Variants in LAMA1 observed in about 807,000 individuals in gnomAD.
LAMA1 encodes laminin subunit alpha-1.
LAMA1 carries 219 observed loss-of-function variants against 348.7 expected under a neutral mutation model. The ratio of observed to expected loss-of-function variants is 0.63; its 90% CI spans 0.56 to 0.70. The LOEUF is 0.70. LAMA1 is among the 30% of genes least tolerant of loss of function. LAMA1 has a pLI of 0.00. For synonymous variants in LAMA1, 1,487 were observed against 1,491.0 expected, an observed-to-expected ratio of 1.00 and a Z score of 0.06; for missense variants, 3,744 against 3,888.0, an observed-to-expected ratio of 0.96 and a Z score of 0.99.
At chr18:7,014,875 C>A (rs528604860) in intron 22 of LAMA1, among the ~76,000 whole-genome samples, 1 of 152,046 alleles carries the variant, frequency 6.6e-6, no homozygotes, top group African/African-American at 2.4e-5. Flanking sequence ...GAGACAGAGT[C>A]TTGCTCTGTT....
At chr18:7,035,093 G>C (rs1037973799) in intron 13 of LAMA1, among the ~76,000 whole-genome samples, 1 of 152,218 alleles carries the variant, frequency 6.6e-6, no homozygotes, top group African/African-American at 2.4e-5. Flanking sequence ...TGTGCGGTCT[G>C]CAATTGGTCA....
At chr18:6,994,058 C>T (rs773564772) in intron 34 of LAMA1, among the ~76,000 whole-genome samples, 8 of 152,226 alleles carry the variant, frequency 5.3e-5, no homozygotes, top group East Asian at 3.9e-4. Flanking sequence ...TGAGGGCCCT[C>T]GATTCACTTT....
At chr18:7,097,217 C>T (rs1405473419) in intron 1 of LAMA1, among the ~76,000 whole-genome samples, 1 of 151,296 alleles carries the variant, frequency 6.6e-6, no homozygotes, top group Non-Finnish European at 1.5e-5. Flanking sequence ...AGGGCTGGAT[C>T]AGCTCTCCAT....
intron 3 of LAMA1, chr18:7,079,244 GACA>G (rs1390520981): frequency 1.3e-5 from 2 of 152,468 alleles, no homozygotes; most frequent in African/African-American, 2.4e-5. Flanking sequence ...ACAGAACCAG[GACA>G]ACAGCTCCAA....
chr18:7,038,650 G>A, intron 11 of LAMA1, 160 bp downstream of exon 11: 1 of 918,252 alleles, frequency 1.1e-6, no homozygotes, highest in Non-Finnish European at 1.8e-6. Context: ...AAAGAATCTT[G>A]AGAGGCAGAC....
rs10625290 is a variant in LAMA1 at position 6,994,716 on chromosome 18, G to GAAA, written c.4896+638_4896+640dup. 2.3e-3 allele frequency among the ~76,000 whole-genome samples: 354 copies of GAAA among 150,762 alleles called. 1 individual carries two copies. The highest frequency in any genetic ancestry group is 7.0e-3 in the African/African-American group (287 of 41,060). ...ACACACACATACAAAATTCATAAAT[G>GAAA]AAAAAACAGTAAATTTGACAATAAT... On this transcript the variant is annotated intron_variant, in intron 34 of 62. Transcript: ENST00000389658.
intron 19 of LAMA1, 48 bp downstream of exon 19, chr18:7,023,116 T>C (rs1313307681): frequency 1.1e-5 from 18 of 1,576,172 alleles, no homozygotes; most frequent in Admixed American, 1.8e-5. Context: ...GGTTGAAGAC[T>C]TCCTATGGCA....
chr18:7,011,101 T>C (rs905920152), intron 25 of LAMA1, among the ~76,000 whole-genome samples, 199 bp downstream of exon 25: 5 of 152,234 alleles, frequency 3.3e-5, no homozygotes, highest in African/African-American at 1.2e-4. Flanking sequence ...TAAAAAACTT[T>C]TAAAATTAAT....
chr18:6,990,605 C>T (rs949828590), intron 36 of LAMA1, among the ~76,000 whole-genome samples: 3 of 152,290 alleles, frequency 2.0e-5, no homozygotes, highest in Non-Finnish European at 2.9e-5. Context: ...TGGCTTCTGT[C>T]ACCACTACCC....
chr18:7,098,663 G>A (rs1598318975), intron 1 of LAMA1, among the ~76,000 whole-genome samples: 2 of 149,956 alleles, frequency 1.3e-5, no homozygotes, highest in Non-Finnish European at 3.0e-5. Flanking sequence ...CAGCCACCCA[G>A]TCTGGGAAGT....
intron 14 of LAMA1, among the ~76,000 whole-genome samples, chr18:7,033,371 G>A (rs568191441): frequency 6.0e-5 from 9 of 150,714 alleles, no homozygotes; most frequent in Admixed American, 2.6e-4. Context: ...CAGGAGAATC[G>A]CTTGATCCTG....
chr18:7,028,579 A>G (rs966628662), intron 16 of LAMA1, among the ~76,000 whole-genome samples: 4 of 152,260 alleles, frequency 2.6e-5, no homozygotes, highest in Admixed American at 2.6e-4. Flanking sequence ...TCTGTCAACC[A>G]GCAGATCTGC....
Position 7,109,260 on chromosome 18 carries a change from G to A in LAMA1, c.61+8400C>T, listed in dbSNP as rs1018546047. ...CCTGACTACCTGTGGGGAGTTCCTC[G>A]GTGTTACTGCCCTCCGGCTACTAAT... On this transcript the variant is annotated intron_variant, in intron 1 of 62. Transcript: ENST00000389658. Among the ~76,000 whole-genome samples, 3 of 152,166 alleles carry A rather than the reference G, an allele frequency of 2.0e-5. No individual in the cohort carries two copies. The South Asian group carries it at 6.2e-4, about 31-fold the overall frequency.
rs1368843687 is a variant in LAMA1 at position 7,042,659 on chromosome 18, C to T, written c.1156-409G>A. ...CAGCACTCTGGGAGGCCAAGGCAGG[C>T]GGACCACAAGGTCAAGGGATTGAGA... is the stretch of plus-strand genomic sequence containing the variant. On this transcript the variant is annotated intron_variant, in intron 8 of 62. Transcript: ENST00000389658. 2.9e-5 allele frequency: 7 copies of T among 243,048 alleles called. No homozygotes were observed. In the South Asian group the frequency reaches 4.0e-4, roughly 14 times the overall value. 15.1% of individuals were successfully genotyped at this position (243,048 alleles called of 1,614,324 possible).
intron 11 of LAMA1, among the ~76,000 whole-genome samples, chr18:7,038,140 A>T (rs10502349): frequency 0.09 from 13,751 of 152,220 alleles, 826 homozygotes; most frequent in African/African-American, 0.15. Context: ...TGAAAAATGT[A>T]CAAAGATAAC....
At position 7,029,061 on chromosome 18, in the gene LAMA1, A is replaced by G. The variant is rs556009127; in HGVS notation, c.2275-2955T>C. 3.3e-5 allele frequency among the ~76,000 whole-genome samples: 5 copies of G among 152,298 alleles called. No individual in the cohort carries two copies. In the East Asian group the frequency reaches 9.6e-4, roughly 29 times the overall value. ...TGATGAAAGTTTTCCCATATACCAC[A>G]TTTAATTTGGAATTGTAAGCATTTG... is the stretch of plus-strand genomic sequence containing the variant. On this transcript the variant is annotated intron_variant, in intron 16 of 62. Transcript: ENST00000389658.
intron 1 of LAMA1, among the ~76,000 whole-genome samples, chr18:7,115,814 C>CAAAACAAAAAAAAAAAAAAAAAAAA (rs58813825): frequency 6.3e-5 from 6 of 94,790 alleles, no homozygotes; most frequent in Admixed American, 2.6e-4. Context: ...ACTAAAAATA[C>CAAAACAAAAAAAAAAAAAAAAAAAA]AAAAAAAAAA....
At position 6,956,655 on chromosome 18, in the gene LAMA1, G is replaced by C; in HGVS notation, c.8075C>G (p.Pro2692Arg). Residue 2692 changes from proline to arginine, a missense_variant, in exon 56 of 63, where the codon CCA becomes CGA. Coordinates refer to ENST00000389658, the MANE Select transcript of LAMA1 (RefSeq NM_005559.4). ...APDAEDSKLL[P>R]EPRAFPEQCV... ...TCCTACTGGAAAAGCCCGGGGCTCTGGCAAGAGCTTGCTGTCCTCTGCATC... is the reference window on the plus strand; with the variant it reads ...TCCTACTGGAAAAGCCCGGGGCTCTCGCAAGAGCTTGCTGTCCTCTGCATC... 6.2e-7 allele frequency: 1 copy of C among 1,614,158 alleles called. No individual in the cohort carries two copies. Among genetic ancestry groups the C allele is most frequent in the Non-Finnish European group, 8.5e-7 (1 of 1,180,020 alleles).
At chr18:7,020,727 A>T (rs2057911645) in intron 19 of LAMA1, among the ~76,000 whole-genome samples, 1 of 151,974 alleles carries the variant, frequency 6.6e-6, no homozygotes, top group Non-Finnish European at 1.5e-5. Flanking sequence ...GACCTATTTT[A>T]CGTCTTCTCT....
Sources: allele counts gnomAD v4.1 joint callset (sites outside exome capture counted in the v4.1 genomes callset), GRCh38; gene constraint gnomAD v4.1.1; transcripts MANE v1.5; gene names NCBI Gene and HGNC (gene_info 2026-07-23, HGNC 2026-07-21).